Variants in TAF5 observed in about 807,000 individuals in gnomAD.
TAF5 encodes the protein TATA-box binding protein associated factor 5.
Under a neutral mutation model 80.9 loss-of-function variants are expected in TAF5, and 20 were observed. The observed-to-expected ratio is 0.25, with a 90% CI of 0.17 to 0.36. TAF5 has a LOEUF of 0.36. Among genes scored for constraint, TAF5 ranks in the 10% least tolerant of loss-of-function variants. TAF5 has a pLI of 1.00. For missense variants in TAF5, 863 were observed against 1,029.4 expected (o/e 0.84, Z 2.21); for synonymous variants, 388 against 406.4 (o/e 0.95, Z 0.55).
chr10:103,369,005 A>G (rs568397914), intron 1 of TAF5, among the ~76,000 whole-genome samples: 1 of 150,862 alleles, frequency 6.6e-6, no homozygotes, highest in African/African-American at 2.4e-5. Context: ...TTGAGACGGA[A>G]ACTTGCTCTG....
At chr10:103,370,356 C>T (rs1489007977) in intron 1 of TAF5, among the ~76,000 whole-genome samples, 9 of 115,298 alleles carry the variant, frequency 7.8e-5, no homozygotes, top group African/African-American at 2.0e-4. Flanking sequence ...GACTGAGTCT[C>T]GCTCTGTCGG....
intron 1 of TAF5, among the ~76,000 whole-genome samples, chr10:103,370,230 TC>T (rs2093356190): frequency 6.7e-6 from 1 of 149,422 alleles, no homozygotes; most frequent in Non-Finnish European, 1.5e-5. Context: ...AGACTCTGTC[TC>T]AAAAAAAAAA....
intron 8 of TAF5, among the ~76,000 whole-genome samples, 161 bp downstream of exon 8, chr10:103,385,651 G>A (rs572885977): frequency 6.6e-6 from 1 of 151,920 alleles, no homozygotes; most frequent in Non-Finnish European, 1.5e-5. Context: ...GGGGCCGGGC[G>A]CAGTGGCTTA....
intron 8 of TAF5, among the ~76,000 whole-genome samples, chr10:103,386,171 G>A (rs1206201958): frequency 6.6e-6 from 1 of 151,990 alleles, no homozygotes; most frequent in Non-Finnish European, 1.5e-5. Context: ...AGGTGCAGTG[G>A]CTCACGCCTG....
At chr10:103,387,467 T>C in intron 9 of TAF5, 54 bp from the exon 10 acceptor site, 1 of 1,554,734 alleles carries the variant, frequency 6.4e-7, no homozygotes, top group Non-Finnish European at 8.7e-7. Context: ...AACTTTAAAA[T>C]TTTGTCTTAT....
At chr10:103,387,942 G>T in intron 10 of TAF5, 64 bp from the exon 11 acceptor site, 1 of 1,470,822 alleles carries the variant, frequency 6.8e-7, no homozygotes, top group Non-Finnish European at 9.5e-7. Context: ...ATAGTGTAGT[G>T]GACAAAATGT....
intron 1 of TAF5, among the ~76,000 whole-genome samples, chr10:103,372,342 C>CTT (rs911589828): frequency 7.7e-6 from 1 of 130,618 alleles, no homozygotes. Context: ...GTGGCTCGTA[C>CTT]TTTTTTTTTT....
rs2093402274 is a variant in TAF5 at position 103,388,161 on chromosome 10, G to C, written c.2341G>C (p.Val781Leu). ...ATATATGACCAAATCAACACCAGTT[G>C]TACACCTTCATTTTACTCGAAGAAA... ...GTYMTKSTPV[V>L]HLHFTRRNLV... The change falls in exon 11 of 11, where the codon GTA becomes CTA. Residue 781 changes from valine to leucine, a missense_variant. Transcript: ENST00000369839. 1 of 1,613,898 alleles carries C rather than the reference G, an allele frequency of 6.2e-7. No individual in the cohort carries two copies.
At chr10:103,371,264 A>G (rs2133622849) in intron 1 of TAF5, among the ~76,000 whole-genome samples, 1 of 150,826 alleles carries the variant, frequency 6.6e-6, no homozygotes, top group South Asian at 2.1e-4. Context: ...AAAAAAAGAG[A>G]GAGGAATCTT....
intron 2 of TAF5, among the ~76,000 whole-genome samples, chr10:103,376,669 C>G (rs1481784650): frequency 5.9e-5 from 9 of 151,810 alleles, no homozygotes; most frequent in African/African-American, 2.2e-4. Flanking sequence ...AACACTCCAT[C>G]CTTGGCAACA....
At chr10:103,387,891 G>T in intron 10 of TAF5, 115 bp from the exon 11 acceptor site, 1 of 1,153,542 alleles carries the variant, frequency 8.7e-7, no homozygotes, top group Non-Finnish European at 1.2e-6. Context: ...TAGAGTTATT[G>T]GTCAAGTTTA....
At chr10:103,375,050 T>C (rs1214427700) in intron 2 of TAF5, among the ~76,000 whole-genome samples, 2 of 139,858 alleles carry the variant, frequency 1.4e-5, no homozygotes, top group Non-Finnish European at 3.0e-5. Flanking sequence ...ACCTGGGAGA[T>C]AGAGGTTGCA....
chr10:103,370,983 G>A (rs2093358271), intron 1 of TAF5, among the ~76,000 whole-genome samples: 1 of 152,184 alleles, frequency 6.6e-6, no homozygotes, highest in Non-Finnish European at 1.5e-5. Context: ...GCTCACGCCT[G>A]TAGTCCCAGC....
chr10:103,376,278 A>G (rs992671557), intron 2 of TAF5, among the ~76,000 whole-genome samples: 5 of 151,868 alleles, frequency 3.3e-5, no homozygotes, highest in Admixed American at 3.3e-4. Context: ...TTTAGTAGAG[A>G]CAGGGTTTCT....
rs1293804298 is a variant in TAF5 at position 103,368,348 on chromosome 10, C to T, written c.359C>T (p.Ala120Val). Residue 120 changes from alanine to valine, a missense_variant, in exon 1 of 11, where the codon GCC becomes GTC. By Grantham distance (64) the Ala-to-Val change is moderately conservative. Around this residue, in one of 3 missense-constraint regions of TAF5, gnomAD observed 367 missense variants for 335.5 expected, o/e 1.09. Coordinates refer to ENST00000369839, the MANE Select transcript of TAF5 (RefSeq NM_006951.5). ...GCCGAAGAGGCGCTGCGCCGTGAGG[C>T]CGGGCTGCTGGAGGAGGCAGTGGCG... Reference protein sequence around the residue: ...REAEEALRREAGLLEEAVAGS... With the variant: ...REAEEALRREVGLLEEAVAGS... 2.5e-6 allele frequency: 4 copies of T among 1,577,830 alleles called. No homozygotes were observed. Among genetic ancestry groups the T allele is most frequent in the Non-Finnish European group, 3.4e-6 (4 of 1,170,856 alleles).
In TAF5 at chr10:103,389,012, T is replaced by C. The variant is rs878942797; in HGVS notation, c.*789T>C. On this transcript the variant is annotated 3_prime_UTR_variant, in exon 11 of 11. Transcript: ENST00000369839. ...TGCCTTTGTTGCATTTTGTACAGTT[T>C]TTATATTTTTGATATCTTGTAAATA... 1 of 152,680 alleles carries C rather than the reference T, an allele frequency of 6.5e-6. No individual in the cohort carries two copies. Among genetic ancestry groups the C allele is most frequent in the Non-Finnish European group, 1.5e-5 (1 of 68,036 alleles). 9.5% of individuals were successfully genotyped at this position (152,680 alleles called of 1,614,324 possible).
chr10:103,373,463 A>C lies in TAF5; in HGVS notation c.665A>C (p.Lys222Thr), dbSNP rs760555362. 1 of 1,614,192 alleles carries C rather than the reference A, an allele frequency of 6.2e-7. No homozygotes were observed. Among genetic ancestry groups the C allele is most frequent in the Non-Finnish European group, 8.5e-7 (1 of 1,180,038 alleles). The change falls in exon 2 of 11, where the codon AAA becomes ACA. Residue 222 changes from lysine to threonine, a missense_variant. Transcript: ENST00000369839. ...TMYEEYYSGL[K>T]HFIECSLDCH... ...TATGAAGAATACTATAGTGGACTGA[A>C]ACACTTCATTGAATGTTCCCTGGAC...
chr10:103,377,374 G>T (rs1592092542), intron 2 of TAF5, among the ~76,000 whole-genome samples: 1 of 152,148 alleles, frequency 6.6e-6, no homozygotes, highest in South Asian at 2.1e-4. Context: ...TTGTAATGGG[G>T]TAACATAGTT....
intron 7 of TAF5, 57 bp from the exon 8 acceptor site, chr10:103,385,268 TG>T (rs2093393204): frequency 7.1e-7 from 1 of 1,408,828 alleles, no homozygotes; most frequent in South Asian, 1.3e-5. Flanking sequence ...TATATAAAAC[TG>T]GGCAGGTGAC....
Sources: gnomAD v4.1 joint callset for allele counts (sites outside exome capture counted in the v4.1 genomes callset) on GRCh38, gnomAD v4.1.1 for gene constraint, gnomAD v4.1.1 regional missense constraint, MANE v1.5 for transcripts, NCBI Gene and HGNC (gene_info 2026-07-23, HGNC 2026-07-21) for gene names.